URB1: variants seen among roughly 807,000 people sequenced by gnomAD.
URB1 encodes the protein nucleolar pre-ribosomal-associated protein 1.
In URB1, 197 loss-of-function variants were observed where a neutral mutation model predicts 242.3. The observed-to-expected ratio is 0.81, with a 90% CI of 0.72 to 0.91. URB1 has a LOEUF of 0.91. Ranked by LOEUF, URB1 falls within the 40% of genes least tolerant of loss-of-function variation. URB1 has a pLI of 0.00. For missense variants in URB1, 2,721 were observed against 2,860.5 expected, an observed-to-expected ratio of 0.95 and a Z score of 1.11; for synonymous variants, 1,153 against 1,201.8, an observed-to-expected ratio of 0.96 and a Z score of 0.84.
At chr21:32,373,995 T>A (rs1433894439) in intron 6 of URB1, among the ~76,000 whole-genome samples, 2 of 152,202 alleles carry the variant, frequency 1.3e-5, no homozygotes, top group East Asian at 1.9e-4. Flanking sequence ...TTCCTTTCAG[T>A]CACCACCCAC....
At chr21:32,345,273 C>G in intron 23 of URB1, 101 bp downstream of exon 23, 5 of 1,287,236 alleles carry the variant, frequency 3.9e-6, no homozygotes, top group Non-Finnish European at 5.4e-6. Flanking sequence ...ACAGATGGGG[C>G]ACAACAGTAA....
Position 32,312,350 on chromosome 21 carries a change from G to C in URB1, c.*2568C>G. On this transcript the variant is annotated 3_prime_UTR_variant, in exon 39 of 39. Coordinates refer to ENST00000382751, the MANE Select transcript of URB1 (RefSeq NM_014825.3). Reference sequence around the variant, plus strand: ...ACCATTACTGTGTAATGCGTTATCAGCCCTGAGTTCACCTGGTCCTTCTGT... The same window carrying C: ...ACCATTACTGTGTAATGCGTTATCACCCCTGAGTTCACCTGGTCCTTCTGT... 3 of 1,199,664 alleles carry C rather than the reference G, an allele frequency of 2.5e-6. No homozygotes were observed. The highest frequency in any genetic ancestry group is 3.2e-6 in the Non-Finnish European group (3 of 950,714). The allele number at this position is 1,199,664 out of a possible 1,614,324, so 74.3% of individuals were successfully genotyped here.
At chr21:32,356,188 G>A (rs577594959) in intron 15 of URB1, among the ~76,000 whole-genome samples, 9 of 152,248 alleles carry the variant, frequency 5.9e-5, no homozygotes, top group African/African-American at 1.7e-4. Flanking sequence ...TGAGATCAGC[G>A]GAGGCAACAT....
At chr21:32,361,803 ACT>A in intron 12 of URB1, 87 bp downstream of exon 12, 7 of 1,464,344 alleles carry the variant, frequency 4.8e-6, no homozygotes, top group Non-Finnish European at 6.3e-6. Context: ...CTGCTCCAGG[ACT>A]CTCTGGATAG....
At chr21:32,389,156 T>G (rs1266878688) in intron 1 of URB1, among the ~76,000 whole-genome samples, 1 of 152,190 alleles carries the variant, frequency 6.6e-6, no homozygotes, top group East Asian at 1.9e-4. Context: ...ATGCTGAACC[T>G]ATTATTAATA....
intron 28 of URB1, among the ~76,000 whole-genome samples, chr21:32,336,254 G>A (rs2032958053): frequency 6.6e-6 from 1 of 152,054 alleles, no homozygotes; most frequent in Admixed American, 6.5e-5. Context: ...TTGGGAGATA[G>A]CTTCTGGGCT....
intron 2 of URB1, 139 bp downstream of exon 2, chr21:32,385,406 C>A: frequency 1.6e-6 from 2 of 1,262,934 alleles, no homozygotes; most frequent in South Asian, 1.8e-5. Flanking sequence ...AAAATGAATA[C>A]ATTCCTACAG....
At chr21:32,333,628 G>GT (rs1286400957) in intron 29 of URB1, among the ~76,000 whole-genome samples, 1 of 152,170 alleles carries the variant, frequency 6.6e-6, no homozygotes, top group East Asian at 1.9e-4. Context: ...TAGCATGCAG[G>GT]TAACTTTATA....
chr21:32,332,791 C>T (rs2032911872), intron 30 of URB1, among the ~76,000 whole-genome samples: 1 of 152,108 alleles, frequency 6.6e-6, no homozygotes, highest in Non-Finnish European at 1.5e-5. Flanking sequence ...AACCAAGAGA[C>T]CTGACCAGCC....
At chr21:32,331,292 G>A (rs2032890232) in intron 30 of URB1, among the ~76,000 whole-genome samples, 1 of 152,146 alleles carries the variant, frequency 6.6e-6, no homozygotes, top group Non-Finnish European at 1.5e-5. Context: ...GGCAGGAAGT[G>A]CATTTTCCCT....
In URB1 at chr21:32,363,420, G is replaced by T. The variant is rs111488153; in HGVS notation, c.1336-91C>A. On this transcript the variant is annotated intron_variant, in intron 10 of 38. Transcript: ENST00000382751. ...TTGGCTGGCATTTGCCCCTCCTCAGGTCACTCACAGGGAAAGCTGCATGAA... is the reference window on the plus strand; with the variant it reads ...TTGGCTGGCATTTGCCCCTCCTCAGTTCACTCACAGGGAAAGCTGCATGAA... The T allele has an allele frequency of 5.2e-3, 7,390 of 1,426,976 alleles. 290 individuals carry two copies. The African/African-American group carries it at 0.088, about 17-fold the overall frequency. 88.4% of individuals were successfully genotyped at this position (1,426,976 alleles called of 1,614,324 possible).
At chr21:32,345,184 C>A (rs1668113892) in intron 23 of URB1, among the ~76,000 whole-genome samples, 190 bp downstream of exon 23, 1 of 152,074 alleles carries the variant, frequency 6.6e-6, no homozygotes, top group Non-Finnish European at 1.5e-5. Context: ...GGGAACCCGA[C>A]CCAGCCATCT....
Position 32,314,228 on chromosome 21 carries a change from A to G in URB1, c.*690T>C. 3.5e-6 allele frequency: 1 copy of G among 284,792 alleles called. No individual in the cohort carries two copies. 17.6% of individuals were successfully genotyped at this position (284,792 alleles called of 1,614,324 possible). The stretch of plus-strand genomic sequence containing the variant: ...GAGATGGAGTCTTGCTCTGTCACCT[A>G]GGCTGGAGCGCAATGGCACGATCTC... On this transcript the variant is annotated 3_prime_UTR_variant, in exon 39 of 39. Coordinates refer to ENST00000382751, the MANE Select transcript of URB1 (RefSeq NM_014825.3).
At chr21:32,352,645 G>T (rs1001398671) in intron 19 of URB1, 65 bp downstream of exon 19, 74 of 1,539,316 alleles carry the variant, frequency 4.8e-5, no homozygotes, top group Non-Finnish European at 6.3e-5. Context: ...CTGTGGCCCA[G>T]CCAGCTGGGA....
Position 32,349,290 on chromosome 21 carries a change from ACCT to A in URB1, c.3012+11_3012+13del. The A allele has an allele frequency of 6.6e-7, 1 of 1,521,420 alleles. No individual in the cohort carries two copies. The highest frequency in any genetic ancestry group is 8.8e-7 in the Non-Finnish European group (1 of 1,131,860). The allele number at this position is 1,521,420 out of a possible 1,614,324, so 94.2% of individuals were successfully genotyped here. On this transcript the variant is annotated intron_variant, in intron 21 of 38. Transcript: ENST00000382751. ...GACTCTGAGAATAGGCTACCAGGCA[ACCT>A]GTGGCGGTACCTGATCATTGGCCAA...
intron 21 of URB1, among the ~76,000 whole-genome samples, 199 bp from the exon 22 acceptor site, chr21:32,348,010 T>C (rs1261766849): frequency 6.6e-6 from 1 of 152,226 alleles, no homozygotes; most frequent in African/African-American, 2.4e-5. Flanking sequence ...CAGCCAGAGC[T>C]GTCATCCAGT....
At chr21:32,330,201 T>C (rs1207726001) in intron 30 of URB1, among the ~76,000 whole-genome samples, 124 of 81,096 alleles carry the variant, frequency 1.5e-3, no homozygotes, top group African/African-American at 0.012. Flanking sequence ...GGGAGTGTTT[T>C]TTTTTTTTTT....
At chr21:32,391,979 G>C (rs989818515) in intron 1 of URB1, among the ~76,000 whole-genome samples, 1 of 151,954 alleles carries the variant, frequency 6.6e-6, no homozygotes, top group Non-Finnish European at 1.5e-5. Flanking sequence ...AGCTATGATA[G>C]TGCCACTGCA....
intron 1 of URB1, among the ~76,000 whole-genome samples, chr21:32,390,794 T>C (rs1011153704): frequency 6.6e-6 from 1 of 152,220 alleles, no homozygotes; most frequent in Non-Finnish European, 1.5e-5. Context: ...TCAACCATTG[T>C]GGAAGTCAGT....
Sources: gnomAD v4.1 joint callset for allele counts (sites outside exome capture counted in the v4.1 genomes callset) on GRCh38, gnomAD v4.1.1 for gene constraint, MANE v1.5 for transcripts, NCBI Gene and HGNC (gene_info 2026-07-23, HGNC 2026-07-21) for gene names.